PHIP: variants seen among roughly 807,000 people sequenced by gnomAD.
The protein encoded by PHIP is PH-interacting protein.
A neutral mutation model predicts 236.8 loss-of-function variants in PHIP; 54 were observed. That is an observed-to-expected ratio of 0.23 (90% confidence interval 0.18 to 0.29). The LOEUF is 0.29. Among genes scored for constraint, PHIP ranks in the 10% least tolerant of loss-of-function variants. The pLI is 1.00. For synonymous variants in PHIP, 756 were observed against 718.9 expected (o/e 1.05, Z -0.83); for missense variants, 1,370 against 2,190.8 (o/e 0.63, Z 7.48).
chr6:78,953,318 A>C (rs539549180), intron 35 of PHIP, among the ~76,000 whole-genome samples: 6 of 152,132 alleles, frequency 3.9e-5, no homozygotes, highest in Non-Finnish European at 8.8e-5. Context: ...CTGCCCAAGG[A>C]CTCAATTATC....
intron 23 of PHIP, among the ~76,000 whole-genome samples, chr6:78,978,936 CA>C (rs528981829): frequency 1.3e-5 from 2 of 152,008 alleles, no homozygotes; most frequent in Non-Finnish European, 2.9e-5. Flanking sequence ...TTCCAACAGG[CA>C]AAACTTGAAT....
chr6:79,009,715 C>G (rs1441522633), intron 15 of PHIP, among the ~76,000 whole-genome samples: 1 of 151,958 alleles, frequency 6.6e-6, no homozygotes, highest in Non-Finnish European at 1.5e-5. Context: ...ATATAACTAT[C>G]AAATCTCAAA....
At chr6:78,984,853 C>T (rs1768767784) in intron 22 of PHIP, among the ~76,000 whole-genome samples, 1 of 152,122 alleles carries the variant, frequency 6.6e-6, no homozygotes, top group South Asian at 2.1e-4. Flanking sequence ...CTATTAAGAC[C>T]TTGCAAAGTT....
intron 3 of PHIP, 63 bp from the exon 4 acceptor site, chr6:79,077,570 C>T: frequency 9.8e-7 from 1 of 1,018,794 alleles, no homozygotes; most frequent in Non-Finnish European, 1.2e-6. Flanking sequence ...TCCCCTCCCC[C>T]GCCCGCCCCG....
At chr6:78,977,493 T>A (rs1332989620) in intron 24 of PHIP, among the ~76,000 whole-genome samples, 1 of 152,266 alleles carries the variant, frequency 6.6e-6, no homozygotes, top group East Asian at 1.9e-4. Flanking sequence ...ACCTGCACAA[T>A]GTACACATGT....
intron 15 of PHIP, among the ~76,000 whole-genome samples, chr6:79,011,469 T>G (rs1227131873): frequency 6.6e-6 from 1 of 151,840 alleles, no homozygotes; most frequent in Admixed American, 6.6e-5. Context: ...TTAAAAGTTT[T>G]TAGTTAAAGA....
intron 18 of PHIP, among the ~76,000 whole-genome samples, chr6:78,997,804 G>A (rs1769721381): frequency 6.6e-6 from 1 of 152,056 alleles, no homozygotes. Context: ...ATAAGTCAAT[G>A]AATCATAACT....
chr6:79,019,598 CATTA>C (rs1457307031), intron 9 of PHIP, among the ~76,000 whole-genome samples: 1 of 152,086 alleles, frequency 6.6e-6, no homozygotes, highest in East Asian at 1.9e-4. Context: ...CAGTATTTTA[CATTA>C]ATTAAGCTTT....
At chr6:79,043,895 C>T (rs367565865) in intron 6 of PHIP, among the ~76,000 whole-genome samples, 30 of 149,824 alleles carry the variant, frequency 2.0e-4, no homozygotes, top group African/African-American at 7.1e-4. Context: ...GTTTCTCGGT[C>T]GAATTTAGCC....
intron 32 of PHIP, chr6:78,956,724 A>G (rs1436896615): frequency 2.6e-5 from 4 of 152,138 alleles, no homozygotes; most frequent in Non-Finnish European, 5.9e-5. Flanking sequence ...TCCAGAATCT[A>G]TCAGTATCTA....
chr6:79,070,810 C>T (rs181413981), intron 4 of PHIP, among the ~76,000 whole-genome samples: 259 of 152,236 alleles, frequency 1.7e-3, no homozygotes, highest in Middle Eastern at 6.8e-3. Context: ...TCTAATACAA[C>T]GTAAATGTTA....
At position 79,015,777 on chromosome 6, in the gene PHIP, G is replaced by A. The variant is rs369189851; in HGVS notation, c.1242C>T (p.Asn414=). 2.6e-5 allele frequency: 41 copies of A among 1,607,316 alleles called. No individual in the cohort carries two copies. The highest frequency in any genetic ancestry group is 3.5e-5 in the Non-Finnish European group (41 of 1,177,070). ...TGATTTTATCTTCTATTCCTTGAAG[G>A]TTTTGGCTGAAAGTGAGGAAGTGTT... is the stretch of plus-strand genomic sequence containing the variant. ...LDMATRPAGQ[N]LQGIEDKITK... The change falls in exon 14 of 40, where the codon AAC becomes AAT. Residue 414 remains asparagine, a synonymous_variant. Transcript: ENST00000275034.
chr6:79,059,591 T>TTATTTATATATATA (rs1235977083), intron 6 of PHIP, among the ~76,000 whole-genome samples: 7 of 84,752 alleles, frequency 8.3e-5, no homozygotes, highest in African/African-American at 3.3e-4. Flanking sequence ...GAAAGCAAAA[T>TTATTTATATATATA]TATATATATA....
At chr6:79,035,105 T>C (rs1257593866) in intron 7 of PHIP, among the ~76,000 whole-genome samples, 2 of 152,056 alleles carry the variant, frequency 1.3e-5, no homozygotes, top group African/African-American at 4.8e-5. Flanking sequence ...ACCCATGAGG[T>C]ATCATAATGA....
At chr6:78,978,795 A>AT in intron 23 of PHIP, 84 bp from the exon 24 acceptor site, 1 of 1,107,590 alleles carries the variant, frequency 9.0e-7, no homozygotes, top group Non-Finnish European at 1.3e-6. Context: ...AACTATAAAG[A>AT]TAATTAAATA....
chr6:78,962,920 G>A (rs1345912835), intron 30 of PHIP, among the ~76,000 whole-genome samples, 177 bp downstream of exon 30: 3 of 152,144 alleles, frequency 2.0e-5, no homozygotes, highest in African/African-American at 7.2e-5. Flanking sequence ...ATTTATAACT[G>A]TTTTAAATAG....
At position 78,935,505 on chromosome 6, in the gene PHIP, G is replaced by A. The variant is rs568495181; in HGVS notation, c.*5188C>T. ...AAATATTTATGCAAAGTGTTCCACT[G>A]AAATGTATCTCTTACGAAAGTATCT... is the stretch of plus-strand genomic sequence containing the variant. On this transcript the variant is annotated 3_prime_UTR_variant, in exon 40 of 40. Transcript: ENST00000275034. 2 of 979,280 alleles carry A rather than the reference G, an allele frequency of 2.0e-6. No homozygotes were observed. Among genetic ancestry groups the A allele is most frequent in the East Asian group, 1.1e-4 (1 of 8,790 alleles). The allele number at this position is 979,280 out of a possible 1,614,324, so 60.7% of individuals were successfully genotyped here.
intron 35 of PHIP, among the ~76,000 whole-genome samples, chr6:78,954,326 T>G (rs756503281): frequency 2.2e-4 from 34 of 151,948 alleles, no homozygotes; most frequent in Non-Finnish European, 2.8e-4. Context: ...CAGGATGGTC[T>G]CGATCTCCTG....
intron 15 of PHIP, among the ~76,000 whole-genome samples, chr6:79,011,920 A>G (rs1204578059): frequency 2.6e-5 from 4 of 151,622 alleles, no homozygotes; most frequent in African/African-American, 9.7e-5. Context: ...ACTTATTACA[A>G]TGATGACTAT....
Sources: gnomAD v4.1 joint callset for allele counts (sites outside exome capture counted in the v4.1 genomes callset) on GRCh38, gnomAD v4.1.1 for gene constraint, MANE v1.5 for transcripts, NCBI Gene and HGNC (gene_info 2026-07-23, HGNC 2026-07-21) for gene names.